TRAF1: variants seen among roughly 807,000 people sequenced by gnomAD.
TRAF1 encodes TNF receptor associated factor 1, also known as TNF receptor-associated factor 1.
Under a neutral mutation model 40.9 loss-of-function variants are expected in TRAF1, and 23 were observed. The ratio of observed to expected loss-of-function variants is 0.56; its 90% CI spans 0.40 to 0.80. The LOEUF is 0.80. Among genes scored for constraint, TRAF1 ranks in the 30% least tolerant of loss-of-function variants. The probability of loss-of-function intolerance (pLI) is 0.00; values close to 1 mark genes in which losing one functional copy is unlikely to be tolerated. For missense variants in TRAF1, 477 were observed against 528.7 expected (o/e 0.90, Z 0.96); for synonymous variants, 206 against 218.8 (o/e 0.94, Z 0.52).
intron 3 of TRAF1, among the ~76,000 whole-genome samples, chr9:120,918,506 C>T (rs1254849646): frequency 6.6e-6 from 1 of 152,024 alleles, no homozygotes; most frequent in African/African-American, 2.4e-5. Flanking sequence ...CCCGGGACAT[C>T]TCCCAGTCCC....
At chr9:120,925,693 C>CTCCTCACACA (rs2046634523) in intron 2 of TRAF1, among the ~76,000 whole-genome samples, 2 of 152,250 alleles carry the variant, frequency 1.3e-5, no homozygotes, top group Non-Finnish European at 2.9e-5. Context: ...CTCACAGCCT[C>CTCCTCACACA]GAGGCTCTCC....
chr9:120,910,643 T>TG (rs1315300210), intron 6 of TRAF1, among the ~76,000 whole-genome samples: 2 of 152,194 alleles, frequency 1.3e-5, no homozygotes, highest in Admixed American at 6.5e-5. Flanking sequence ...ATGATCCTCT[T>TG]GCCTCAGCCT....
At chr9:120,906,913 G>C (rs2046487248) in intron 7 of TRAF1, among the ~76,000 whole-genome samples, 1 of 152,080 alleles carries the variant, frequency 6.6e-6, no homozygotes, top group Non-Finnish European at 1.5e-5. Flanking sequence ...CCGTCCCCCA[G>C]GCTGGAGTAC....
intron 3 of TRAF1, among the ~76,000 whole-genome samples, chr9:120,920,919 T>C (rs1458926034): frequency 6.6e-6 from 1 of 152,212 alleles, no homozygotes; most frequent in African/African-American, 2.4e-5. Flanking sequence ...ATCAGCCACT[T>C]TCCTTTGGTC....
intron 7 of TRAF1, among the ~76,000 whole-genome samples, chr9:120,908,140 T>C (rs972678722): frequency 1.3e-5 from 2 of 152,032 alleles, no homozygotes; most frequent in Non-Finnish European, 2.9e-5. Flanking sequence ...CTTGTATACA[T>C]AAATTGCAAA....
chr9:120,926,243 G>C lies in TRAF1; in HGVS notation c.-168C>G. ...TCAACGTCACAGCTGAGTCACAGCA[G>C]GGATGGAGCAGGAATTACCCTTTGT... On this transcript the variant is annotated 5_prime_UTR_variant, in exon 2 of 8. Coordinates refer to ENST00000373887, the MANE Select transcript of TRAF1 (RefSeq NM_005658.5). 1.5e-6 allele frequency: 1 copy of C among 683,016 alleles called. No individual in the cohort carries two copies. Among genetic ancestry groups the C allele is most frequent in the Non-Finnish European group, 2.2e-6 (1 of 445,862 alleles). 42.3% of individuals were successfully genotyped at this position (683,016 alleles called of 1,614,324 possible). A position where few individuals can be genotyped will look rare whatever the true frequency, so the allele number is the denominator to read the frequency against.
chr9:120,925,963 C>T lies in TRAF1; in HGVS notation c.113G>A (p.Cys38Tyr), dbSNP rs966855320. Residue 38 changes from cysteine (C) to tyrosine (Y), a missense_variant, in exon 2 of 8, where the codon TGT (cysteine) becomes TAT (tyrosine). Physicochemically the swap from Cys to Tyr is radical, Grantham distance 194. Transcript: ENST00000373887. ...QDPKEPRALC[C>Y]AGCLSENPRN... ...CGGGTTCTCAGAGAGACAGCCTGCA[C>T]AGCAGAGAGCCCTGGGCTCCTTTGG... 3 of 1,613,874 alleles carry T rather than the reference C, an allele frequency of 1.9e-6. No individual in the cohort carries two copies. Among genetic ancestry groups the T allele is most frequent in the African/African-American group, 1.3e-5 (1 of 74,920 alleles).
chr9:120,920,991 G>A (rs375170995), intron 3 of TRAF1, among the ~76,000 whole-genome samples: 1 of 152,148 alleles, frequency 6.6e-6, no homozygotes, highest in East Asian at 1.9e-4. Context: ...CTTCCCCTAT[G>A]TGGCTTTGTG....
In TRAF1 at chr9:120,923,677, A is replaced by T. The variant is rs2046619161; in HGVS notation, c.228+28T>A. 5.0e-6 allele frequency: 8 copies of T among 1,612,414 alleles called. No homozygotes were observed. The East Asian group carries it at 1.8e-4, about 36-fold the overall frequency. On this transcript the variant is annotated intron_variant, in intron 3 of 7. Transcript: ENST00000373887. ...CCTGGAAAAATCAAGACAACGGACAAATGCCTTTCTGTGATGTGCCAACGT... is the reference window on the plus strand; with the variant it reads ...CCTGGAAAAATCAAGACAACGGACATATGCCTTTCTGTGATGTGCCAACGT...
At chr9:120,907,354 C>G (rs2046491123) in intron 7 of TRAF1, among the ~76,000 whole-genome samples, 1 of 152,184 alleles carries the variant, frequency 6.6e-6, no homozygotes, top group Admixed American at 6.5e-5. Context: ...GTTTATTTAT[C>G]CATCCACCTA....
chr9:120,922,412 T>C (rs570483030), intron 3 of TRAF1, among the ~76,000 whole-genome samples: 1 of 152,362 alleles, frequency 6.6e-6, no homozygotes, highest in South Asian at 2.1e-4. Flanking sequence ...GTTTTATAAA[T>C]GGAAAGAATT....
At chr9:120,922,299 T>C (rs1485281580) in intron 3 of TRAF1, among the ~76,000 whole-genome samples, 1 of 152,194 alleles carries the variant, frequency 6.6e-6, no homozygotes, top group Non-Finnish European at 1.5e-5. Flanking sequence ...TCTTTTTAAT[T>C]TTACTTAGCA....
At chr9:120,910,574 T>A (rs535582309) in intron 6 of TRAF1, among the ~76,000 whole-genome samples, 14 of 152,184 alleles carry the variant, frequency 9.2e-5, no homozygotes, top group African/African-American at 2.6e-4. Flanking sequence ...TTAAAAAAAA[T>A]TTTGTGGAGA....
intron 3 of TRAF1, among the ~76,000 whole-genome samples, chr9:120,919,645 G>C (rs1050631240): frequency 3.3e-5 from 5 of 152,174 alleles, no homozygotes; most frequent in African/African-American, 1.2e-4. Flanking sequence ...GTCTGCCACT[G>C]TCCGCCCGTT....
rs996216777 is a variant in TRAF1 at position 120,911,621 on chromosome 9, G to A, written c.706-108C>T. The A allele has an allele frequency of 3.2e-5, 41 of 1,294,938 alleles. No individual in the cohort carries two copies. The African/African-American group carries it at 3.4e-4, about 11-fold the overall frequency. The allele number at this position is 1,294,938 out of a possible 1,614,324, so 80.2% of individuals were successfully genotyped here. On this transcript the variant is annotated intron_variant, in intron 5 of 7. Coordinates refer to ENST00000373887, the MANE Select transcript of TRAF1 (RefSeq NM_005658.5). Reference sequence around the variant, plus strand: ...GCCCCAGATGTGTTTTGCTGACCACGCCTCACTCAGGTGTGCGTCTGCATC... The same window carrying A: ...GCCCCAGATGTGTTTTGCTGACCACACCTCACTCAGGTGTGCGTCTGCATC...
chr9:120,922,840 C>CT (rs561400528), intron 3 of TRAF1, among the ~76,000 whole-genome samples: 89 of 152,138 alleles, frequency 5.8e-4, no homozygotes, highest in Non-Finnish European at 7.1e-4. Context: ...CCCAAAATAT[C>CT]TTTTTTTGTT....
intron 5 of TRAF1, among the ~76,000 whole-genome samples, chr9:120,912,516 G>A (rs1223203900): frequency 6.6e-6 from 1 of 152,110 alleles, no homozygotes; most frequent in East Asian, 1.9e-4. Flanking sequence ...ATTTAGCTGG[G>A]TGTGGTGGCA....
At chr9:120,906,258 C>A (rs2046482009) in intron 7 of TRAF1, among the ~76,000 whole-genome samples, 1 of 148,104 alleles carries the variant, frequency 6.8e-6, no homozygotes, top group African/African-American at 2.5e-5. Context: ...TGGCTAACTG[C>A]AACCTCTGCC....
intron 3 of TRAF1, among the ~76,000 whole-genome samples, chr9:120,923,209 C>CT (rs1203696697): frequency 6.6e-6 from 1 of 152,152 alleles, no homozygotes; most frequent in African/African-American, 2.4e-5. Context: ...ATTATAAGAA[C>CT]TTTTTTGATT....
Sources: allele counts gnomAD v4.1 joint callset (sites outside exome capture counted in the v4.1 genomes callset), GRCh38; gene constraint gnomAD v4.1.1; transcripts MANE v1.5; gene names NCBI Gene and HGNC (gene_info 2026-07-23, HGNC 2026-07-21).